RSRC1: variants seen among roughly 807,000 people sequenced by gnomAD.
RSRC1 encodes arginine and serine rich coiled-coil 1, also known as serine/Arginine-related protein 53.
Under a neutral mutation model 49.1 loss-of-function variants are expected in RSRC1, and 39 were observed. The ratio of observed to expected loss-of-function variants is 0.79; its 90% confidence interval spans 0.61 to 1.04. The LOEUF (loss-of-function observed/expected upper bound fraction) is 1.04. RSRC1 is among the 50% of genes least tolerant of loss of function. RSRC1 has a pLI of 0.00. For missense variants in RSRC1, 388 were observed against 402.4 expected (o/e 0.96, Z 0.31); for synonymous variants, 143 against 130.8 (o/e 1.09, Z -0.63).
intron 3 of RSRC1, among the ~76,000 whole-genome samples, chr3:158,134,005 G>A (rs557629509): frequency 1.3e-5 from 2 of 152,262 alleles, no homozygotes; most frequent in East Asian, 3.9e-4. Context: ...ACTGTGACAG[G>A]ATATGAAGAA....
chr3:158,356,340 T>A (rs1468168721), intron 6 of RSRC1, among the ~76,000 whole-genome samples: 1 of 152,104 alleles, frequency 6.6e-6, no homozygotes, highest in Non-Finnish European at 1.5e-5. Flanking sequence ...TTAAAGGATC[T>A]CTTGCATTAG....
chr3:158,537,163 C>G lies in RSRC1; in HGVS notation c.724C>G (p.Gln242Glu), dbSNP rs1481653362. ...AGCTATTGAAAGTGATTCTTTTGTT[C>G]AGCAGACATTCAGATCAAGTAAAGA... ...IEAIESDSFV[Q>E]QTFRSSKEVK... Residue 242 changes from glutamine to glutamate, a missense_variant, in exon 8 of 10, where the codon CAG (glutamine) becomes GAG (glutamate). Physicochemically the swap from Gln to Glu is conservative, Grantham distance 29. Coordinates refer to ENST00000611884, the MANE Select transcript of RSRC1 (RefSeq NM_001271838.2). 1.2e-6 allele frequency: 2 copies of G among 1,600,068 alleles called. No individual in the cohort carries two copies. The highest frequency in any genetic ancestry group is 1.7e-6 in the Non-Finnish European group (2 of 1,173,832).
At chr3:158,206,070 GTGTC>G (rs1417468527) in intron 4 of RSRC1, among the ~76,000 whole-genome samples, 1 of 152,142 alleles carries the variant, frequency 6.6e-6, no homozygotes, top group East Asian at 1.9e-4. Context: ...ATAAAAATGG[GTGTC>G]TGGCTGGATT....
chr3:158,168,997 G>A (rs1718700495), intron 3 of RSRC1, among the ~76,000 whole-genome samples: 1 of 152,022 alleles, frequency 6.6e-6, no homozygotes. Flanking sequence ...AACCCACCTC[G>A]TTGTTCCCGC....
intron 5 of RSRC1, among the ~76,000 whole-genome samples, chr3:158,313,903 A>G (rs1728257701): frequency 6.6e-6 from 1 of 152,258 alleles, no homozygotes; most frequent in African/African-American, 2.4e-5. Flanking sequence ...TGATTTAGAT[A>G]GCATTTTATT....
chr3:158,168,176 G>A (rs985675230), intron 3 of RSRC1, among the ~76,000 whole-genome samples: 1 of 152,082 alleles, frequency 6.6e-6, no homozygotes, highest in Admixed American at 6.6e-5. Context: ...CTCATCCCCC[G>A]CTCTCCACTG....
chr3:158,544,108 G>A, intron 9 of RSRC1, 75 bp from the exon 10 acceptor site: 5 of 951,744 alleles, frequency 5.3e-6, no homozygotes, highest in Non-Finnish European at 8.4e-6. Flanking sequence ...CTACAAAGGT[G>A]AGTTCTGTCA....
chr3:158,433,076 T>C (rs77733161), intron 6 of RSRC1, among the ~76,000 whole-genome samples: 2,624 of 152,000 alleles, frequency 0.017, 61 homozygotes, highest in African/African-American at 0.06. Context: ...AAAAGATCAC[T>C]TAAAAAATCA....
chr3:158,536,960 G>A (rs1347087012), intron 7 of RSRC1, 132 bp from the exon 8 acceptor site: 2 of 620,202 alleles, frequency 3.2e-6, no homozygotes, highest in African/African-American at 1.9e-5. Context: ...GAACAAAAGA[G>A]TTTCTTGTTA....
At chr3:158,193,723 G>A (rs959858305) in intron 3 of RSRC1, among the ~76,000 whole-genome samples, 1 of 151,918 alleles carries the variant, frequency 6.6e-6, no homozygotes, top group Non-Finnish European at 1.5e-5. Context: ...GTATTTACAC[G>A]TAATAGAAAA....
intron 3 of RSRC1, among the ~76,000 whole-genome samples, chr3:158,143,363 G>C (rs2108199690): frequency 6.6e-6 from 1 of 152,314 alleles, no homozygotes; most frequent in Non-Finnish European, 1.5e-5. Context: ...ATCTGAAAGA[G>C]TAATGCATTG....
In RSRC1 at chr3:158,315,860, T is replaced by C. The variant is rs1482555256; in HGVS notation, c.531+17785T>C. 2.6e-5 allele frequency among the ~76,000 whole-genome samples: 4 copies of C among 152,270 alleles called. No individual in the cohort carries two copies. The East Asian group carries it at 7.7e-4, about 29-fold the overall frequency. ...CCATTATTTTGATGATTTAGTTACATTAATAATGCAACCGAAAATGCTGAA... is the reference window on the plus strand; with the variant it reads ...CCATTATTTTGATGATTTAGTTACACTAATAATGCAACCGAAAATGCTGAA... On this transcript the variant is annotated intron_variant, in intron 5 of 9. Coordinates refer to ENST00000611884, the MANE Select transcript of RSRC1 (RefSeq NM_001271838.2).
At chr3:158,166,083 A>G (rs1351215869) in intron 3 of RSRC1, among the ~76,000 whole-genome samples, 1 of 152,194 alleles carries the variant, frequency 6.6e-6, no homozygotes, top group Non-Finnish European at 1.5e-5. Flanking sequence ...GTTGAAAGCT[A>G]TACATATTTT....
At chr3:158,161,127 A>G (rs1232390792) in intron 3 of RSRC1, among the ~76,000 whole-genome samples, 1 of 152,134 alleles carries the variant, frequency 6.6e-6, no homozygotes, top group Non-Finnish European at 1.5e-5. Flanking sequence ...TATTGACACA[A>G]TAATGCTGCA....
chr3:158,276,420 A>G, intron 4 of RSRC1: 3 of 737,524 alleles, frequency 4.1e-6, no homozygotes, highest in South Asian at 2.9e-5. Context: ...GTATGCACCC[A>G]TCTTGGCTTA....
In RSRC1 at chr3:158,399,447, C is replaced by T. The variant is rs1352208901; in HGVS notation, c.583+44539C>T. Among the ~76,000 whole-genome samples the T allele has an allele frequency of 2.0e-4, 7 of 35,790 alleles. 3 individuals carry two copies. Among genetic ancestry groups the T allele is most frequent in the African/African-American group, 3.2e-4 (2 of 6,308 alleles). The allele number at this position is 35,790 out of a possible 152,430, so 23.5% of individuals were successfully genotyped here. On this transcript the variant is annotated intron_variant, in intron 6 of 9. Coordinates refer to ENST00000611884, the MANE Select transcript of RSRC1 (RefSeq NM_001271838.2). ...CTGGGATTACAGGCGTGAGCCACCG[C>T]GCCCGGCCCTATTATTTCCTTTTTA...
At chr3:158,430,706 T>C (rs1735732349) in intron 6 of RSRC1, among the ~76,000 whole-genome samples, 2 of 151,958 alleles carry the variant, frequency 1.3e-5, no homozygotes, top group Admixed American at 6.6e-5. Flanking sequence ...ATAAACTCTT[T>C]TCTGTACCAC....
chr3:158,148,366 C>T lies in RSRC1; in HGVS notation c.320+24375C>T, dbSNP rs77910133. On this transcript the variant is annotated intron_variant, in intron 3 of 9. Transcript: ENST00000611884. ...TTCTTAAAAGGTGTGTGTGTGTGTG[C>T]GTGTGTGTGTGTGTGTGTATGCGGC... Among the ~76,000 whole-genome samples the T allele has an allele frequency of 1.5e-3, 232 of 149,746 alleles. 4 individuals carry two copies. The highest frequency in any genetic ancestry group is 4.7e-3 in the East Asian group (24 of 5,072).
At position 158,545,218 on chromosome 3, in the gene RSRC1, T is replaced by TTTTTTTG. The variant is rs1560082397; in HGVS notation, c.*944_*945insTTTTTGT. The TTTTTTTG allele has an allele frequency of 7.2e-6, 1 of 139,460 alleles. No homozygotes were observed. The highest frequency in any genetic ancestry group is 2.8e-5 in the African/African-American group (1 of 36,276). The allele number at this position is 139,460 out of a possible 1,614,324, so 8.6% of individuals were successfully genotyped here. A position where few individuals can be genotyped will look rare whatever the true frequency, so the allele number is the denominator to read the frequency against. On this transcript the variant is annotated 3_prime_UTR_variant, in exon 10 of 10. Transcript: ENST00000611884. ...CTTTTTTTTTTTTTTTTTTTTTTTT[T>TTTTTTTG]TGAGACGGAGTCTCGCTCTATCCCC...
Sources: allele counts gnomAD v4.1 joint callset (sites outside exome capture counted in the v4.1 genomes callset), GRCh38; gene constraint gnomAD v4.1.1; transcripts MANE v1.5; gene names NCBI Gene and HGNC (gene_info 2026-07-23, HGNC 2026-07-21).